Variants in KCNIP4 observed in about 807,000 individuals in gnomAD.
The protein encoded by KCNIP4 is Kv channel-interacting protein 4.
In KCNIP4, 12 loss-of-function variants were observed where a neutral mutation model predicts 34.0. The ratio of observed to expected loss-of-function variants is 0.35; its 90% CI spans 0.23 to 0.57. The LOEUF is 0.57. KCNIP4 is among the 20% of genes least tolerant of loss of function. The pLI, the probability that KCNIP4 is intolerant of heterozygous loss-of-function variation, is 0.83. For missense variants in KCNIP4, 238 were observed against 311.7 expected (o/e 0.76, Z 1.78); for synonymous variants, 124 against 102.2 (o/e 1.21, Z -1.29).
intron 1 of KCNIP4, among the ~76,000 whole-genome samples, chr4:21,897,320 C>T (rs1727451338): frequency 6.6e-6 from 1 of 152,042 alleles, no homozygotes; most frequent in African/African-American, 2.4e-5. Flanking sequence ...GAACAGCATG[C>T]CTTTAAAAGC....
At chr4:21,080,196 G>C (rs1324923400) in intron 1 of KCNIP4, among the ~76,000 whole-genome samples, 3 of 151,724 alleles carry the variant, frequency 2.0e-5, no homozygotes, top group Non-Finnish European at 4.4e-5. Context: ...CCAACTGCTA[G>C]CTCTGTGATC....
chr4:21,278,207 G>A (rs185026223), intron 1 of KCNIP4, among the ~76,000 whole-genome samples: 1 of 152,062 alleles, frequency 6.6e-6, no homozygotes, highest in African/African-American at 2.4e-5. Context: ...ATAATTCTTT[G>A]TTAACTTTTA....
chr4:21,006,214 A>T (rs114829913), intron 1 of KCNIP4, among the ~76,000 whole-genome samples: 127 of 152,354 alleles, frequency 8.3e-4, no homozygotes, highest in African/African-American at 2.8e-3. Context: ...AGAAACCTGC[A>T]TGCAGAGGAG....
chr4:20,948,858 T>C (rs2149634909), intron 1 of KCNIP4, among the ~76,000 whole-genome samples: 1 of 152,318 alleles, frequency 6.6e-6, no homozygotes, highest in East Asian at 1.9e-4. Flanking sequence ...CCATATACCA[T>C]GTATACCAAT....
Position 20,964,061 on chromosome 4 carries a change from A to G in KCNIP4, c.62-81352T>C, listed in dbSNP as rs73805241. On this transcript the variant is annotated intron_variant, in intron 1 of 8. Transcript: ENST00000382152. ...CTGAATATCAATGATTATACACTACAAAAGAATTGCCATTTATGGGCTTTA... is the reference window on the plus strand; with the variant it reads ...CTGAATATCAATGATTATACACTACGAAAGAATTGCCATTTATGGGCTTTA... Among the ~76,000 whole-genome samples, 835 of 152,306 alleles carry G rather than the reference A, an allele frequency of 5.5e-3. 9 individuals are homozygous for G. Among genetic ancestry groups the G allele is most frequent in the African/African-American group, 0.019 (777 of 41,554 alleles).
At chr4:21,150,743 G>C (rs540546631) in intron 1 of KCNIP4, among the ~76,000 whole-genome samples, 14 of 152,194 alleles carry the variant, frequency 9.2e-5, no homozygotes, top group Non-Finnish European at 1.8e-4. Flanking sequence ...CCCACATTCT[G>C]TAATTCTGCC....
At chr4:21,293,197 T>C (rs1050545920) in intron 1 of KCNIP4, among the ~76,000 whole-genome samples, 5 of 152,234 alleles carry the variant, frequency 3.3e-5, no homozygotes, top group Admixed American at 6.5e-5. Context: ...TCATAGGATA[T>C]ATTAATAGAG....
At chr4:21,651,650 A>T (rs190259882) in intron 1 of KCNIP4, among the ~76,000 whole-genome samples, 3 of 152,346 alleles carry the variant, frequency 2.0e-5, no homozygotes, top group Admixed American at 6.5e-5. Flanking sequence ...CAAGAGCCAA[A>T]GAAACTAATG....
intron 1 of KCNIP4, among the ~76,000 whole-genome samples, chr4:21,447,057 G>A (rs866275228): frequency 6.6e-6 from 1 of 151,740 alleles, no homozygotes; most frequent in African/African-American, 2.4e-5. Context: ...CTAGCCTGTC[G>A]GCCTGCCCTA....
chr4:21,703,896 T>C (rs1713062721), intron 1 of KCNIP4, among the ~76,000 whole-genome samples: 1 of 152,140 alleles, frequency 6.6e-6, no homozygotes, highest in Non-Finnish European at 1.5e-5. Context: ...GAAAAGTAAG[T>C]CTTGAAATCA....
chr4:21,931,967 G>A (rs573919435), intron 1 of KCNIP4, among the ~76,000 whole-genome samples: 2 of 152,094 alleles, frequency 1.3e-5, no homozygotes, highest in East Asian at 3.9e-4. Context: ...CCTTCCAAGA[G>A]ACAGTATACA....
chr4:21,905,397 CT>C (rs539372063), intron 1 of KCNIP4, among the ~76,000 whole-genome samples: 263 of 151,442 alleles, frequency 1.7e-3, no homozygotes, highest in Non-Finnish European at 2.3e-3. Flanking sequence ...GCTATCACTT[CT>C]TTTTTTTTAT....
chr4:21,636,537 T>C (rs1302963542), intron 1 of KCNIP4, among the ~76,000 whole-genome samples: 1 of 152,126 alleles, frequency 6.6e-6, no homozygotes, highest in Non-Finnish European at 1.5e-5. Flanking sequence ...ACACCTGGTG[T>C]GGAGGCCACA....
At position 21,869,783 on chromosome 4, in the gene KCNIP4, T is replaced by TAGACAGAC. The variant is rs1278922960; in HGVS notation, c.61+78780_61+78787dup. Among the ~76,000 whole-genome samples the TAGACAGAC allele has an allele frequency of 7.2e-3, 1,039 of 143,848 alleles. 22 individuals carry two copies. Among genetic ancestry groups the TAGACAGAC allele is most frequent in the East Asian group, 0.013 (63 of 4,788 alleles). The allele number at this position is 143,848 out of a possible 152,430, so 94.4% of individuals were successfully genotyped here. On this transcript the variant is annotated intron_variant, in intron 1 of 8. Coordinates refer to ENST00000382152, the MANE Select transcript of KCNIP4 (RefSeq NM_025221.6). ...ATAGATAGATAGATAGATAGATAGA[T>TAGACAGAC]AGACAGACAGACAGATAGATAGATA...
intron 1 of KCNIP4, among the ~76,000 whole-genome samples, chr4:21,687,944 T>A (rs1180608415): frequency 6.6e-6 from 1 of 152,140 alleles, no homozygotes; most frequent in Non-Finnish European, 1.5e-5. Context: ...CAAACCTGAT[T>A]TTATACCTCA....
At chr4:21,464,437 C>T (rs1448761098) in intron 1 of KCNIP4, among the ~76,000 whole-genome samples, 1 of 151,958 alleles carries the variant, frequency 6.6e-6, no homozygotes, top group Non-Finnish European at 1.5e-5. Flanking sequence ...ATCTTTCTGG[C>T]ATTTTTCAGA....
chr4:21,085,994 T>A (rs1383424783), intron 1 of KCNIP4, among the ~76,000 whole-genome samples: 1 of 152,144 alleles, frequency 6.6e-6, no homozygotes, highest in Admixed American at 6.6e-5. Context: ...ATCAGAAAGA[T>A]AAGTAATCGT....
At chr4:21,573,078 T>C (rs1304484731) in intron 1 of KCNIP4, among the ~76,000 whole-genome samples, 2 of 152,172 alleles carry the variant, frequency 1.3e-5, no homozygotes, top group Non-Finnish European at 2.9e-5. Flanking sequence ...TTCAGAATCA[T>C]CCCAGGCATG....
intron 5 of KCNIP4, among the ~76,000 whole-genome samples, chr4:20,735,683 C>A (rs111737093): frequency 1.3e-5 from 2 of 151,878 alleles, no homozygotes; most frequent in African/African-American, 4.8e-5. Flanking sequence ...ACTACAGGCA[C>A]CCGCCACCAT....
Sources: allele counts gnomAD v4.1 joint callset (sites outside exome capture counted in the v4.1 genomes callset), GRCh38; gene constraint gnomAD v4.1.1; transcripts MANE v1.5; gene names NCBI Gene and HGNC (gene_info 2026-07-23, HGNC 2026-07-21).